Variants in TBL1X observed in about 807,000 individuals in gnomAD.
The protein encoded by TBL1X is F-box-like/WD repeat-containing protein TBL1X.
A neutral mutation model predicts 50.7 loss-of-function variants in TBL1X; 10 were observed. That is an observed-to-expected ratio of 0.20 (90% CI 0.12 to 0.33). The LOEUF is 0.33. Ranked by LOEUF, TBL1X falls within the 10% of genes least tolerant of loss-of-function variation. TBL1X has a pLI of 1.00. For missense variants in TBL1X, 340 were observed against 504.4 expected (o/e 0.67, Z 3.12); for synonymous variants, 190 against 214.7 (o/e 0.88, Z 1.01).
chrX:9,547,809 G>A (rs771202333), intron 2 of TBL1X, among the ~76,000 whole-genome samples: 2 of 104,465 alleles, frequency 1.9e-5, no homozygotes, highest in Non-Finnish European at 3.9e-5. Flanking sequence ...GGGCTCCTTG[G>A]GTGCAGAGAC....
intron 5 of TBL1X, among the ~76,000 whole-genome samples, chrX:9,672,535 G>A (rs1287440251): frequency 2.7e-5 from 3 of 111,024 alleles, no homozygotes; most frequent in African/African-American, 6.6e-5. Flanking sequence ...TCAAGATGAT[G>A]TTCTTTTTAC....
intron 2 of TBL1X, among the ~76,000 whole-genome samples, chrX:9,619,933 A>G (rs1023967852): frequency 1.8e-5 from 2 of 112,601 alleles, no homozygotes; most frequent in African/African-American, 6.5e-5. Flanking sequence ...ACGCCTTTAC[A>G]AGAACTAGTT....
intron 15 of TBL1X, 81 bp downstream of exon 15, chrX:9,709,841 G>A (rs367941710): frequency 2.3e-5 from 26 of 1,130,255 alleles, no homozygotes; most frequent in Non-Finnish European, 2.8e-5. Context: ...GTCCATGCAC[G>A]TGTGTTGAAG....
At chrX:9,659,462 G>A (rs1362880205) in intron 5 of TBL1X, among the ~76,000 whole-genome samples, 2 of 112,958 alleles carry the variant, frequency 1.8e-5, no homozygotes. Context: ...TAGCTAAGTG[G>A]TGTTCCATTT....
chrX:9,467,696 T>TAA (rs1323756049), intron 1 of TBL1X, among the ~76,000 whole-genome samples: 3 of 111,104 alleles, frequency 2.7e-5, no homozygotes, highest in African/African-American at 9.8e-5. Flanking sequence ...GACTCGAGTT[T>TAA]TTACCTCCGG....
chrX:9,558,301 C>T (rs960644738), intron 2 of TBL1X, among the ~76,000 whole-genome samples: 3 of 111,812 alleles, frequency 2.7e-5, no homozygotes, highest in Admixed American at 9.5e-5. Flanking sequence ...GCAGATCACC[C>T]AAGGTCAGGA....
chrX:9,473,921 T>C (rs1330043770), intron 1 of TBL1X, among the ~76,000 whole-genome samples: 4 of 112,649 alleles, frequency 3.6e-5, no homozygotes, highest in African/African-American at 1.3e-4. Context: ...CAAGGAGAGA[T>C]ACTTGTTGAT....
intron 2 of TBL1X, among the ~76,000 whole-genome samples, chrX:9,508,030 T>G (rs1210698636): frequency 8.9e-6 from 1 of 112,333 alleles, no homozygotes; most frequent in Non-Finnish European, 1.9e-5. Flanking sequence ...GACATAGGCA[T>G]GGGCTAAGAG....
At chrX:9,696,203 T>C (rs2083130468) in intron 11 of TBL1X, among the ~76,000 whole-genome samples, 1 of 112,743 alleles carries the variant, frequency 8.9e-6, no homozygotes. Flanking sequence ...AGAGTTTATA[T>C]ATTCTCTGCA....
chrX:9,709,144 G>A (rs2083228699), intron 13 of TBL1X, 104 bp from the exon 14 acceptor site: 2 of 790,850 alleles, frequency 2.5e-6, no homozygotes, highest in East Asian at 6.8e-5. Context: ...TGAAGCCGAA[G>A]ACCTTCTGCA....
chrX:9,559,133 T>C (rs947657639), intron 2 of TBL1X, among the ~76,000 whole-genome samples: 2 of 112,036 alleles, frequency 1.8e-5, no homozygotes, highest in African/African-American at 6.5e-5. Flanking sequence ...TCTAGGAAAC[T>C]TGGAATTGGA....
chrX:9,517,497 A>T (rs779138910), intron 2 of TBL1X, among the ~76,000 whole-genome samples: 2 of 111,786 alleles, frequency 1.8e-5, no homozygotes, highest in Admixed American at 9.5e-5. Flanking sequence ...TCAAGCCAGC[A>T]TAGCAAATCC....
chrX:9,584,391 T>G (rs1474409360), intron 2 of TBL1X, among the ~76,000 whole-genome samples: 2 of 112,362 alleles, frequency 1.8e-5, no homozygotes, highest in African/African-American at 6.5e-5. Context: ...TGGAATGAAC[T>G]CCACATGACG....
chrX:9,520,428 G>C (rs981281363), intron 2 of TBL1X, among the ~76,000 whole-genome samples: 2 of 111,263 alleles, frequency 1.8e-5, no homozygotes, highest in Non-Finnish European at 3.8e-5. Flanking sequence ...AGATGGCCTG[G>C]GGCTAGAGAC....
At chrX:9,617,110 G>A (rs1280123516) in intron 2 of TBL1X, among the ~76,000 whole-genome samples, 2 of 111,923 alleles carry the variant, frequency 1.8e-5, no homozygotes, top group Non-Finnish European at 3.8e-5. Flanking sequence ...CCAAGGCACC[G>A]TGTTTTTAAT....
At chrX:9,604,385 A>C (rs1486694120) in intron 2 of TBL1X, among the ~76,000 whole-genome samples, 1 of 109,056 alleles carries the variant, frequency 9.2e-6, no homozygotes, top group Non-Finnish European at 1.9e-5. Flanking sequence ...AGCCGGGTAG[A>C]CTTTTTATTT....
chrX:9,487,968 A>G (rs11796222), intron 1 of TBL1X, among the ~76,000 whole-genome samples: 18,633 of 111,011 alleles, frequency 0.17, 1,403 homozygotes, highest in African/African-American at 0.28. Context: ...ACAGAATCAT[A>G]AGGTTGTTTA....
At chrX:9,687,980 C>T (rs767101991) in intron 6 of TBL1X, 37 bp from the exon 7 acceptor site, 3 of 1,178,367 alleles carry the variant, frequency 2.5e-6, no homozygotes, top group Non-Finnish European at 2.3e-6. Flanking sequence ...CCCTCACCCC[C>T]GTGAGCTGAC....
At chrX:9,479,717 C>G (rs2081869166) in intron 1 of TBL1X, among the ~76,000 whole-genome samples, 1 of 111,696 alleles carries the variant, frequency 9.0e-6, no homozygotes, top group African/African-American at 3.3e-5. Flanking sequence ...TGTCTTACAG[C>G]CATTAGATTC....
Sources: gnomAD v4.1 joint callset for allele counts (sites outside exome capture counted in the v4.1 genomes callset) on GRCh38, gnomAD v4.1.1 for gene constraint, MANE v1.5 for transcripts, NCBI Gene and HGNC (gene_info 2026-07-23, HGNC 2026-07-21) for gene names.